The following PAPLN variants were observed in gnomAD, a reference collection of about 807,000 sequenced individuals.
PAPLN encodes papilin.
A neutral mutation model predicts 159.0 loss-of-function variants in PAPLN; 146 were observed. The observed-to-expected ratio is 0.92, with a 90% CI of 0.80 to 1.05. PAPLN has a LOEUF of 1.05. PAPLN is among the 50% of genes least tolerant of loss of function. PAPLN has a pLI of 0.00. For synonymous variants in PAPLN, 734 were observed against 702.9 expected (o/e 1.04, Z -0.70); for missense variants, 1,720 against 1,743.9 (o/e 0.99, Z 0.24).
In PAPLN at chr14:73,259,283, T is replaced by TGG. The variant is rs1460489968; in HGVS notation, c.1724_1725dup (p.Trp576GlyfsTer227). ...CTTCTTTCTAGACTCCAGAGGCCAGTGGTGGGCAGCCCAGGAACACCCCTC... is the reference window on the plus strand; with the variant it reads ...CTTCTTTCTAGACTCCAGAGGCCAGTGGGGTGGGCAGCCCAGGAACACCCCTC... On this transcript the variant is annotated frameshift_variant, in exon 16 of 27. Transcript: ENST00000644200. LOFTEE classifies it high-confidence loss of function. The TGG allele has an allele frequency of 6.4e-7, 1 of 1,565,490 alleles. No homozygotes were observed. Among genetic ancestry groups the TGG allele is most frequent in the Non-Finnish European group, 8.7e-7 (1 of 1,153,628 alleles).
upstream of PAPLN, among the ~76,000 whole-genome samples, chr14:73,236,032 C>G (rs1371856526): frequency 2.0e-5 from 3 of 152,214 alleles, no homozygotes; most frequent in East Asian, 5.8e-4. Flanking sequence ...CAGCAAGGGG[C>G]TAAAGGCAGA....
chr14:73,267,087 G>A (rs989419676), intron 25 of PAPLN, among the ~76,000 whole-genome samples: 1 of 152,142 alleles, frequency 6.6e-6, no homozygotes, highest in African/African-American at 2.4e-5. Context: ...GGTAAGTTTT[G>A]GTTGCTGAGG....
Position 73,250,986 on chromosome 14 carries a change from G to A in PAPLN, c.545G>A (p.Cys182Tyr). The change falls in exon 7 of 27, where the codon TGC becomes TAC. Residue 182 changes from cysteine (C) to tyrosine (Y), a missense_variant. Coordinates refer to ENST00000644200, the MANE Select transcript of PAPLN (RefSeq NM_001365906.3). ...CLRCGGDGTTCYPVAGTFDAN... is the reference protein window; with the variant it reads ...CLRCGGDGTTYYPVAGTFDAN... The stretch of plus-strand genomic sequence containing the variant: ...CGGTGTGGGGGTGACGGCACGACCT[G>A]CTACCCCGTCGCAGGCACCTTTGAC... 1 of 1,613,602 alleles carries A rather than the reference G, an allele frequency of 6.2e-7. No individual in the cohort carries two copies. The highest frequency in any genetic ancestry group is 8.5e-7 in the Non-Finnish European group (1 of 1,179,860).
chr14:73,265,622 A>G lies in PAPLN; in HGVS notation c.3263+115A>G. The G allele has an allele frequency of 6.9e-7, 1 of 1,441,760 alleles. No individual in the cohort carries two copies. Among genetic ancestry groups the G allele is most frequent in the Non-Finnish European group, 9.3e-7 (1 of 1,075,274 alleles). The allele number at this position is 1,441,760 out of a possible 1,614,324, so 89.3% of individuals were successfully genotyped here. A position where few individuals can be genotyped will look rare whatever the true frequency, so the allele number is the denominator to read the frequency against. ...ATGGTCATGGCCAGTCCTGAGCCGGACTCCAGGGCCTCTTGAGAGATGGAG... is the reference window on the plus strand; with the variant it reads ...ATGGTCATGGCCAGTCCTGAGCCGGGCTCCAGGGCCTCTTGAGAGATGGAG... On this transcript the variant is annotated intron_variant, in intron 23 of 26. Transcript: ENST00000644200. The surrounding 1 kb of genome is among the most constrained non-coding windows in gnomAD (Gnocchi z 4.1).
At position 73,246,068 on chromosome 14, in the gene PAPLN, C is replaced by T. The variant is rs372132091; in HGVS notation, c.232-5C>T. The T allele has an allele frequency of 4.9e-5, 75 of 1,537,946 alleles. No homozygotes were observed. Among genetic ancestry groups the T allele is most frequent in the East Asian group, 2.6e-5 (1 of 38,690 alleles). On this transcript the variant is annotated splice_polypyrimidine_tract_variant and splice_region_variant and intron_variant, in intron 4 of 26. Transcript: ENST00000644200. ...CTGGATCCCGACTTCCCCTCCGCCCCGCAGAGCTGCCCCGACGGCGCCCGG... is the reference window on the plus strand; with the variant it reads ...CTGGATCCCGACTTCCCCTCCGCCCTGCAGAGCTGCCCCGACGGCGCCCGG...
intron 25 of PAPLN, chr14:73,268,279 C>G (rs777653467): frequency 2.5e-5 from 9 of 366,986 alleles, no homozygotes; most frequent in South Asian, 4.7e-5. Flanking sequence ...AAATCTGAGG[C>G]CTCCTGCTAT....
rs536674900 is a variant in PAPLN, at chr14:73,265,640, A to G, written c.3263+133A>G. 3.0e-6 allele frequency: 4 copies of G among 1,334,100 alleles called. No individual in the cohort carries two copies. The South Asian group carries it at 4.4e-5, about 15-fold the overall frequency. 82.6% of individuals were successfully genotyped at this position (1,334,100 alleles called of 1,614,324 possible). Reference sequence around the variant, plus strand: ...GAGCCGGACTCCAGGGCCTCTTGAGAGATGGAGCAGCTGGGCAAAGGGCTC... The same window carrying G: ...GAGCCGGACTCCAGGGCCTCTTGAGGGATGGAGCAGCTGGGCAAAGGGCTC... On this transcript the variant is annotated intron_variant, in intron 23 of 26. Transcript: ENST00000644200. This position sits in a 1 kb window ranked among gnomAD's most constrained non-coding sequence, Gnocchi z 4.1.
At chr14:73,261,842 G>A (rs1158259461) in intron 18 of PAPLN, among the ~76,000 whole-genome samples, 2 of 152,236 alleles carry the variant, frequency 1.3e-5, no homozygotes, top group African/African-American at 4.8e-5. Flanking sequence ...GATGGGTCAG[G>A]CCATGCTGGC....
chr14:73,239,037 A>G (rs1883254830), intron 1 of PAPLN, among the ~76,000 whole-genome samples: 1 of 152,216 alleles, frequency 6.6e-6, no homozygotes, highest in Non-Finnish European at 1.5e-5. Context: ...AGTACACACC[A>G]GACTGCACAT....
intron 20 of PAPLN, 193 bp downstream of exon 20, chr14:73,263,975 GGT>G: frequency 2.1e-6 from 3 of 1,415,094 alleles, no homozygotes; most frequent in Non-Finnish European, 2.8e-6. Flanking sequence ...TCCTCTGACA[GGT>G]GTGTGTGACA....
rs145250622 is a variant in PAPLN, at chr14:73,261,255, G to C, written c.2206G>C (p.Gly736Arg). 1 of 1,613,822 alleles carries C rather than the reference G, an allele frequency of 6.2e-7. No homozygotes were observed. Among genetic ancestry groups the C allele is most frequent in the Non-Finnish European group, 8.5e-7 (1 of 1,180,010 alleles). ...CCYDNVATAA[G>R]PLGEGCVGQP... Reference sequence around the variant, plus strand: ...CTATGACAACGTGGCCACTGCAGCCGGTCCTCTTGGGGAAGGCTGTGTGGG... The same window carrying C: ...CTATGACAACGTGGCCACTGCAGCCCGTCCTCTTGGGGAAGGCTGTGTGGG... Residue 736 changes from glycine to arginine, a missense_variant, in exon 18 of 27, where the codon GGT becomes CGT. By Grantham distance (125) the Gly-to-Arg change is moderately radical. Coordinates refer to ENST00000644200, the MANE Select transcript of PAPLN (RefSeq NM_001365906.3).
In PAPLN at chr14:73,260,720, G is replaced by T; in HGVS notation, c.1997G>T (p.Cys666Phe). 1 of 1,471,804 alleles carries T rather than the reference G, an allele frequency of 6.8e-7. No homozygotes were observed. 91.2% of individuals were successfully genotyped at this position (1,471,804 alleles called of 1,614,324 possible). ...APCQQSRYGC[C>F]PDRVSVAEGP... ...TGATGTCTGCCTAGGTACGGGTGCTGCCCTGACAGGGTATCTGTCGCTGAG... is the reference window on the plus strand; with the variant it reads ...TGATGTCTGCCTAGGTACGGGTGCTTCCCTGACAGGGTATCTGTCGCTGAG... Residue 666 changes from cysteine to phenylalanine, a missense_variant, in exon 17 of 27, where the codon TGC (cysteine) becomes TTC (phenylalanine). Transcript: ENST00000644200.
chr14:73,248,107 G>A (rs1884790191), intron 5 of PAPLN, among the ~76,000 whole-genome samples: 1 of 74,704 alleles, frequency 1.3e-5, no homozygotes, highest in African/African-American at 5.6e-5. Context: ...GTGTGTGTGT[G>A]CGCGTGTGTG....
At chr14:73,256,100 G>T (rs1885876534) in intron 14 of PAPLN, among the ~76,000 whole-genome samples, 1 of 152,132 alleles carries the variant, frequency 6.6e-6, no homozygotes, top group Admixed American at 6.5e-5. Flanking sequence ...TGGTCCTTGG[G>T]GCTCACCAGC....
At position 73,272,482 on chromosome 14, in the gene PAPLN, T is replaced by C. The variant is rs763631245; in HGVS notation, c.3668-13T>C. 5 of 1,504,242 alleles carry C rather than the reference T, an allele frequency of 3.3e-6. No homozygotes were observed. The highest frequency in any genetic ancestry group is 4.7e-5 in the East Asian group (2 of 42,848). The allele number at this position is 1,504,242 out of a possible 1,614,324, so 93.2% of individuals were successfully genotyped here. On this transcript the variant is annotated splice_polypyrimidine_tract_variant and intron_variant, in intron 26 of 26. Transcript: ENST00000644200. ...CTTCCTCACCACCTTCTCTCTCCCC[T>C]GTCGTTCTGCAGCACCCACCGCCCA... is the stretch of plus-strand genomic sequence containing the variant.
chr14:73,239,853 G>A, intron 2 of PAPLN, 21 bp downstream of exon 2: 1 of 1,566,676 alleles, frequency 6.4e-7, no homozygotes, highest in Non-Finnish European at 8.6e-7. Flanking sequence ...TCCTGCCCCG[G>A]CCCCCGGAGG....
At chr14:73,246,638 C>CT (rs1884398034) in intron 5 of PAPLN, among the ~76,000 whole-genome samples, 2 of 123,472 alleles carry the variant, frequency 1.6e-5, no homozygotes, top group Admixed American at 8.6e-5. Context: ...CTTTTTCTTT[C>CT]TTTCTTTTTT....
chr14:73,263,854 AC>A, intron 20 of PAPLN, 72 bp downstream of exon 20: 1 of 1,395,938 alleles, frequency 7.2e-7, no homozygotes, highest in African/African-American at 1.6e-5. Context: ...GGTGTGTGTG[AC>A]AGCTCCCCCA....
intron 11 of PAPLN, chr14:73,253,082 T>A (rs1197698612): frequency 2.9e-6 from 4 of 1,362,458 alleles, no homozygotes; most frequent in Non-Finnish European, 4.0e-6. Context: ...GGGTTTGGCT[T>A]GGCAGATGCC....
Sources: gnomAD v4.1 joint callset for allele counts (sites outside exome capture counted in the v4.1 genomes callset) on GRCh38, gnomAD v4.1.1 for gene constraint, Gnocchi (gnomAD v3.1) non-coding constraint, MANE v1.5 for transcripts, NCBI Gene and HGNC (gene_info 2026-07-23, HGNC 2026-07-21) for gene names.